The following CNTN5 variants were observed in gnomAD, a reference collection of about 807,000 sequenced individuals.
CNTN5 encodes the protein contactin-5.
CNTN5 carries 77 observed loss-of-function variants against 129.1 expected under a neutral mutation model. The observed-to-expected ratio is 0.60, with a 90% confidence interval of 0.50 to 0.72. CNTN5 has a LOEUF of 0.72. Ranked by LOEUF, CNTN5 falls within the 30% of genes least tolerant of loss-of-function variation. The pLI is 0.00. For synonymous variants in CNTN5, 509 were observed against 465.6 expected (o/e 1.09, Z -1.20); for missense variants, 1,478 against 1,328.8 (o/e 1.11, Z -1.75).
intron 3 of CNTN5, among the ~76,000 whole-genome samples, chr11:99,817,353 C>T (rs764730351): frequency 9.9e-5 from 15 of 152,150 alleles, no homozygotes; most frequent in Admixed American, 2.0e-4. Flanking sequence ...TGGCGTAGTG[C>T]GCTTAGCCAA....
At chr11:99,479,747 A>G (rs978735870) in intron 2 of CNTN5, among the ~76,000 whole-genome samples, 1 of 152,146 alleles carries the variant, frequency 6.6e-6, no homozygotes, top group Non-Finnish European at 1.5e-5. Context: ...TTAAATTTAA[A>G]AAACAAAATT....
rs193131264 is a variant in CNTN5 at position 99,401,133 on chromosome 11, T to C, written c.-71+75649T>C. 2.6e-5 allele frequency among the ~76,000 whole-genome samples: 4 copies of C among 152,184 alleles called. No homozygotes were observed. In the East Asian group the frequency reaches 5.8e-4, roughly 22 times the overall value. On this transcript the variant is annotated intron_variant, in intron 2 of 24. Transcript: ENST00000524871. ...GCTTTGGTTGTCTGTGTTTTGGGGG[T>C]ATTACTCAAAAAATCTTTTCCAGAC...
intron 8 of CNTN5, among the ~76,000 whole-genome samples, chr11:99,991,844 A>G (rs905628026): frequency 6.6e-6 from 1 of 152,172 alleles, no homozygotes; most frequent in African/African-American, 2.4e-5. Flanking sequence ...TCAGCTGCCC[A>G]TTCATGAATC....
At chr11:99,219,187 A>G (rs927729488) in intron 1 of CNTN5, among the ~76,000 whole-genome samples, 1 of 152,020 alleles carries the variant, frequency 6.6e-6, no homozygotes, top group East Asian at 1.9e-4. Context: ...TAATGAACAG[A>G]TAAGTGGGCC....
chr11:99,913,400 C>A (rs1949711007), intron 6 of CNTN5, among the ~76,000 whole-genome samples: 1 of 151,790 alleles, frequency 6.6e-6, no homozygotes, highest in Non-Finnish European at 1.5e-5. Flanking sequence ...AATGTACATA[C>A]CCCATGAAAG....
At chr11:99,424,428 G>A (rs11602487) in intron 2 of CNTN5, among the ~76,000 whole-genome samples, 38 of 152,214 alleles carry the variant, frequency 2.5e-4, no homozygotes, top group Middle Eastern at 3.2e-3. Context: ...TCAACCTCAC[G>A]CCTGCGAAGG....
At chr11:99,956,180 C>G (rs1163795704) in intron 7 of CNTN5, among the ~76,000 whole-genome samples, 4 of 151,728 alleles carry the variant, frequency 2.6e-5, no homozygotes, top group African/African-American at 7.3e-5. Flanking sequence ...ACGTAATATT[C>G]TAATTATATG....
chr11:99,393,615 C>G (rs1444398544), intron 2 of CNTN5, among the ~76,000 whole-genome samples: 5 of 151,684 alleles, frequency 3.3e-5, no homozygotes, highest in African/African-American at 1.2e-4. Context: ...TTGCTTTTCT[C>G]TACTGATTGT....
chr11:99,285,454 A>C (rs1042386459), intron 1 of CNTN5, among the ~76,000 whole-genome samples: 1 of 152,096 alleles, frequency 6.6e-6, no homozygotes, highest in African/African-American at 2.4e-5. Flanking sequence ...TTCATATTTG[A>C]ATGTGTGCCC....
At chr11:100,093,256 C>A (rs1944865986) in intron 13 of CNTN5, among the ~76,000 whole-genome samples, 1 of 151,958 alleles carries the variant, frequency 6.6e-6, no homozygotes, top group Non-Finnish European at 1.5e-5. Context: ...GTTTGTTGAT[C>A]ACTTCTGAAA....
chr11:99,999,575 C>G (rs1025093615), intron 8 of CNTN5, among the ~76,000 whole-genome samples: 27 of 152,198 alleles, frequency 1.8e-4, no homozygotes, highest in Non-Finnish European at 3.7e-4. Context: ...TAAACTAGTT[C>G]AACCATTGTG....
intron 3 of CNTN5, among the ~76,000 whole-genome samples, chr11:99,597,567 TCTGA>T (rs1950164763): frequency 2.6e-5 from 4 of 152,148 alleles, no homozygotes; most frequent in African/African-American, 7.2e-5. Context: ...ATCTACTGGC[TCTGA>T]CTGTCAGGGT....
At chr11:99,892,394 C>A (rs189850859) in intron 6 of CNTN5, among the ~76,000 whole-genome samples, 2 of 152,102 alleles carry the variant, frequency 1.3e-5, no homozygotes, top group Non-Finnish European at 2.9e-5. Flanking sequence ...GTCATGAAGT[C>A]TTTGCCCATA....
chr11:100,179,767 T>A (rs571904138), intron 13 of CNTN5, among the ~76,000 whole-genome samples: 62 of 152,212 alleles, frequency 4.1e-4, no homozygotes, highest in African/African-American at 1.3e-3. Context: ...AAGCCAGAAC[T>A]AATGAATCAA....
intron 8 of CNTN5, among the ~76,000 whole-genome samples, chr11:99,964,279 A>C (rs940372117): frequency 6.6e-6 from 1 of 152,158 alleles, no homozygotes. Context: ...CCCATTCAGT[A>C]TGGTATTGGC....
intron 2 of CNTN5, among the ~76,000 whole-genome samples, chr11:99,420,908 T>G (rs930565549): frequency 6.6e-6 from 1 of 152,172 alleles, no homozygotes; most frequent in Admixed American, 6.5e-5. Flanking sequence ...GCTGTCCATG[T>G]GAAGGCAGCA....
At chr11:100,044,035 C>G (rs1228695691) in intron 9 of CNTN5, among the ~76,000 whole-genome samples, 1 of 151,526 alleles carries the variant, frequency 6.6e-6, no homozygotes, top group Non-Finnish European at 1.5e-5. Flanking sequence ...CCTCACCTTT[C>G]TCACCCCCTC....
chr11:99,640,113 C>A lies in CNTN5; in HGVS notation c.55+83844C>A, dbSNP rs112072332. Among the ~76,000 whole-genome samples, 385 of 152,274 alleles carry A rather than the reference C, an allele frequency of 2.5e-3. 4 individuals carry two copies. The highest frequency in any genetic ancestry group is 8.9e-3 in the African/African-American group (368 of 41,540). ...CAGCATTTTGGACAAAGCCACTCAA[C>A]AAGTCTCTAAGAAGTTCCAAACTCT... On this transcript the variant is annotated intron_variant, in intron 3 of 24. Coordinates refer to ENST00000524871, the MANE Select transcript of CNTN5 (RefSeq NM_014361.4).
At chr11:99,792,011 G>A (rs1393361305) in intron 3 of CNTN5, among the ~76,000 whole-genome samples, 1 of 151,938 alleles carries the variant, frequency 6.6e-6, no homozygotes, top group Non-Finnish European at 1.5e-5. Context: ...GGGTCTTTAG[G>A]GCTTTATAGG....
Sources: gnomAD v4.1 joint callset for allele counts (sites outside exome capture counted in the v4.1 genomes callset) on GRCh38, gnomAD v4.1.1 for gene constraint, MANE v1.5 for transcripts, NCBI Gene and HGNC (gene_info 2026-07-23, HGNC 2026-07-21) for gene names.